The following MAML2 variants were observed in gnomAD, a reference collection of about 807,000 sequenced individuals.
MAML2 encodes mastermind like transcriptional coactivator 2, also known as mastermind-like protein 2.
In MAML2, 22 loss-of-function variants were observed where a neutral mutation model predicts 96.1. The ratio of observed to expected loss-of-function variants is 0.23; its 90% confidence interval spans 0.16 to 0.33. The LOEUF is 0.33. MAML2 is among the 10% of genes least tolerant of loss of function. The pLI, the probability that MAML2 is intolerant of heterozygous loss-of-function variation, is 1.00. For missense variants in MAML2, 1,367 were observed against 1,392.4 expected (o/e 0.98, Z 0.29); for synonymous variants, 561 against 521.3 (o/e 1.08, Z -1.04).
chr11:96,046,292 G>T (rs982847091), intron 2 of MAML2, among the ~76,000 whole-genome samples: 4 of 152,188 alleles, frequency 2.6e-5, no homozygotes, highest in African/African-American at 9.6e-5. Flanking sequence ...TTCATAGCCG[G>T]GGAGCTGGCA....
At chr11:96,118,189 C>T (rs779302211) in intron 1 of MAML2, among the ~76,000 whole-genome samples, 3 of 152,178 alleles carry the variant, frequency 2.0e-5, no homozygotes, top group Non-Finnish European at 4.4e-5. Context: ...TGCTAAACTA[C>T]AAGCTACTTG....
chr11:96,171,627 G>T (rs17237067), intron 1 of MAML2, among the ~76,000 whole-genome samples: 6,687 of 152,298 alleles, frequency 0.044, 217 homozygotes, highest in Middle Eastern at 0.085. Context: ...ACAGAAAACA[G>T]GTACCACCCA....
intron 1 of MAML2, among the ~76,000 whole-genome samples, chr11:96,277,733 CAAAA>C (rs55970384): frequency 4.1e-5 from 3 of 73,498 alleles, no homozygotes; most frequent in African/African-American, 9.9e-5. Context: ...CACTCTGCCT[CAAAA>C]AAAAAAAAAA....
chr11:96,151,159 G>A (rs1017421294), intron 1 of MAML2, among the ~76,000 whole-genome samples: 2 of 152,050 alleles, frequency 1.3e-5, no homozygotes, highest in African/African-American at 4.8e-5. Flanking sequence ...AGCCTACCGG[G>A]ACACTTTCCT....
Position 96,334,601 on chromosome 11 carries a change from C to T in MAML2, c.513+6782G>A, listed in dbSNP as rs183111445. On this transcript the variant is annotated intron_variant, in intron 1 of 4. Transcript: ENST00000524717. ...TCTATTTCTAACCCCACTCACCTCC[C>T]GTCTACACTGTAAATTCAAAGAGGG... Among the ~76,000 whole-genome samples the T allele has an allele frequency of 5.3e-5, 8 of 152,140 alleles. No homozygotes were observed. The East Asian group carries it at 5.8e-4, about 11-fold the overall frequency.
At position 96,093,521 on chromosome 11, in the gene MAML2, A is replaced by T. The variant is rs1859773147; in HGVS notation, c.514-4T>A. The stretch of plus-strand genomic sequence containing the variant: ...TTCTTTTCAAGGAACCCTGGAGCTG[A>T]AAGACAGAAGGGAATAAAAAGGAAA... On this transcript the variant is annotated splice_polypyrimidine_tract_variant and splice_region_variant and intron_variant, in intron 1 of 4. Transcript: ENST00000524717. 5 of 1,580,060 alleles carry T rather than the reference A, an allele frequency of 3.2e-6. No homozygotes were observed. The highest frequency in any genetic ancestry group is 1.7e-4 in the Middle Eastern group (1 of 5,934).
chr11:96,015,802 T>C (rs1470169934), intron 2 of MAML2, among the ~76,000 whole-genome samples: 1 of 152,198 alleles, frequency 6.6e-6, no homozygotes, highest in Non-Finnish European at 1.5e-5. Context: ...AGGTATCTAA[T>C]GTTCTCATTA....
Position 96,304,042 on chromosome 11 carries a change from C to T in MAML2, c.513+37341G>A, listed in dbSNP as rs1012181788. ...TCTTTATCCATTAATGTCTGTACCT[C>T]CTTCTCGAATTCAGCACCGTTTGAT... On this transcript the variant is annotated intron_variant, in intron 1 of 4. Coordinates refer to ENST00000524717, the MANE Select transcript of MAML2 (RefSeq NM_032427.4). Among the ~76,000 whole-genome samples the T allele has an allele frequency of 2.0e-5, 3 of 152,196 alleles. No individual in the cohort carries two copies. In the East Asian group the frequency reaches 5.8e-4, roughly 29 times the overall value.
At chr11:96,074,252 C>T (rs1859396719) in intron 2 of MAML2, among the ~76,000 whole-genome samples, 1 of 152,216 alleles carries the variant, frequency 6.6e-6, no homozygotes, top group South Asian at 2.1e-4. Flanking sequence ...CCCAGCTAGT[C>T]AGTTCCACTG....
intron 1 of MAML2, among the ~76,000 whole-genome samples, chr11:96,162,506 G>A (rs968411813): frequency 1.3e-5 from 2 of 151,760 alleles, no homozygotes; most frequent in Admixed American, 1.3e-4. Flanking sequence ...CTGAGGTTGG[G>A]AGTTGGAGAC....
intron 1 of MAML2, among the ~76,000 whole-genome samples, chr11:96,301,947 C>A (rs537532291): frequency 2.4e-4 from 37 of 152,160 alleles, no homozygotes; most frequent in Non-Finnish European, 5.9e-5. Context: ...AGAGCTATTG[C>A]GACCTTATTC....
intron 2 of MAML2, among the ~76,000 whole-genome samples, chr11:96,063,227 T>G (rs964211130): frequency 2.6e-5 from 4 of 152,172 alleles, no homozygotes; most frequent in Admixed American, 6.5e-5. Flanking sequence ...TTCACAATCT[T>G]CTGTAGGGGC....
chr11:96,166,146 CTCTGTCTG>C (rs1322308567), intron 1 of MAML2, among the ~76,000 whole-genome samples: 40 of 122,048 alleles, frequency 3.3e-4, no homozygotes, highest in African/African-American at 9.9e-4. Context: ...GTCTCTCTCT[CTCTGTCTG>C]TCTCTCTCTC....
intron 1 of MAML2, among the ~76,000 whole-genome samples, chr11:96,281,447 C>A (rs1309032063): frequency 6.6e-6 from 1 of 152,066 alleles, no homozygotes; most frequent in Admixed American, 6.6e-5. Flanking sequence ...CTGCAAAAGG[C>A]TGGCTAGGGT....
chr11:96,107,263 C>A (rs1194933498), intron 1 of MAML2, among the ~76,000 whole-genome samples: 1 of 152,072 alleles, frequency 6.6e-6, no homozygotes, highest in Non-Finnish European at 1.5e-5. Context: ...CATCAGAGAT[C>A]TGAATTTAAG....
At chr11:96,063,875 CT>C (rs1859206042) in intron 2 of MAML2, among the ~76,000 whole-genome samples, 1 of 152,104 alleles carries the variant, frequency 6.6e-6, no homozygotes, top group Non-Finnish European at 1.5e-5. Context: ...TCTTTTTTGC[CT>C]GTTGATACGA....
intron 1 of MAML2, among the ~76,000 whole-genome samples, chr11:96,280,071 C>T (rs542738208): frequency 6.6e-6 from 1 of 152,304 alleles, no homozygotes; most frequent in South Asian, 2.1e-4. Flanking sequence ...TATAGCTCTA[C>T]ACAGCCATTA....
chr11:95,992,728 G>T (rs1439457155), intron 2 of MAML2, among the ~76,000 whole-genome samples: 1 of 152,166 alleles, frequency 6.6e-6, no homozygotes, highest in Non-Finnish European at 1.5e-5. Context: ...AGAATGATCT[G>T]GGAATCAGCT....
intron 2 of MAML2, among the ~76,000 whole-genome samples, chr11:96,032,934 T>C (rs1182443439): frequency 6.6e-6 from 1 of 152,180 alleles, no homozygotes; most frequent in Non-Finnish European, 1.5e-5. Context: ...TGATGAAAAT[T>C]CTATTAATAG....
Sources: allele counts gnomAD v4.1 joint callset (sites outside exome capture counted in the v4.1 genomes callset), GRCh38; gene constraint gnomAD v4.1.1; transcripts MANE v1.5; gene names NCBI Gene and HGNC (gene_info 2026-07-23, HGNC 2026-07-21).